Variants in PCDH15 observed in about 807,000 individuals in gnomAD.
The protein encoded by PCDH15 is protocadherin-15.
In PCDH15, 129 loss-of-function variants were observed where a neutral mutation model predicts 178.5. The observed-to-expected ratio is 0.72, with a 90% CI of 0.63 to 0.84. The LOEUF (loss-of-function observed/expected upper bound fraction) is 0.84. Ranked by LOEUF, PCDH15 falls within the 40% of genes least tolerant of loss-of-function variation. PCDH15 has a pLI of 0.00. For synonymous variants in PCDH15, 800 were observed against 732.0 expected (o/e 1.09, Z -1.50); for missense variants, 2,230 against 2,099.9 (o/e 1.06, Z -1.21).
intron 3 of PCDH15, among the ~76,000 whole-genome samples, chr10:54,867,839 GT>G (rs1953966809): frequency 6.6e-6 from 1 of 152,130 alleles, no homozygotes; most frequent in Non-Finnish European, 1.5e-5. Context: ...GCTCAGCAGT[GT>G]GATGGAGGTT....
At chr10:54,575,865 T>G (rs1365862523) in intron 2 of PCDH15, among the ~76,000 whole-genome samples, 1 of 152,212 alleles carries the variant, frequency 6.6e-6, no homozygotes, top group Non-Finnish European at 1.5e-5. Context: ...CACATGTTTT[T>G]GTGCCATATT....
intron 2 of PCDH15, among the ~76,000 whole-genome samples, chr10:55,553,205 T>A (rs1013126142): frequency 6.7e-6 from 1 of 148,702 alleles, no homozygotes; most frequent in African/African-American, 2.5e-5. Context: ...ACCGCTAGGT[T>A]AATAAAAAAA....
At chr10:54,226,678 T>C (rs2053483957) in intron 9 of PCDH15, among the ~76,000 whole-genome samples, 1 of 152,148 alleles carries the variant, frequency 6.6e-6, no homozygotes, top group African/African-American at 2.4e-5. Context: ...AACTCAAAAG[T>C]CCACAGTCCA....
chr10:54,933,158 G>A (rs1426782677), intron 2 of PCDH15, among the ~76,000 whole-genome samples: 1 of 151,870 alleles, frequency 6.6e-6, no homozygotes, highest in Admixed American at 6.6e-5. Context: ...CATCATCTAG[G>A]TTTGTGTAAG....
At chr10:55,034,997 A>AAACT (rs1840699256) in intron 2 of PCDH15, among the ~76,000 whole-genome samples, 2 of 152,100 alleles carry the variant, frequency 1.3e-5, no homozygotes, top group African/African-American at 4.8e-5. Flanking sequence ...ATCTGGGAGG[A>AAACT]TACAGCTGCT....
At chr10:55,244,625 AT>A (rs1841640143) in intron 1 of PCDH15, among the ~76,000 whole-genome samples, 1 of 151,856 alleles carries the variant, frequency 6.6e-6, no homozygotes, top group South Asian at 2.1e-4. Context: ...CTCCACCAGA[AT>A]TTTCTAGTTC....
At chr10:55,255,457 G>A (rs577335535) in intron 1 of PCDH15, among the ~76,000 whole-genome samples, 1 of 152,160 alleles carries the variant, frequency 6.6e-6, no homozygotes, top group South Asian at 2.1e-4. Context: ...TAATCCCTTG[G>A]GTATATACCC....
At chr10:54,441,286 C>T (rs902874725) in intron 3 of PCDH15, among the ~76,000 whole-genome samples, 1 of 151,906 alleles carries the variant, frequency 6.6e-6, no homozygotes, top group African/African-American at 2.4e-5. Context: ...TTCTACTATT[C>T]TACCCCAATC....
intron 2 of PCDH15, among the ~76,000 whole-genome samples, chr10:55,565,925 A>G (rs538037929): frequency 2.6e-5 from 4 of 151,810 alleles, no homozygotes; most frequent in African/African-American, 9.6e-5. Flanking sequence ...AACTAGCATC[A>G]ATCTTTTTCA....
At chr10:54,841,359 T>C (rs1008644811) in intron 3 of PCDH15, among the ~76,000 whole-genome samples, 1 of 151,750 alleles carries the variant, frequency 6.6e-6, no homozygotes, top group Non-Finnish European at 1.5e-5. Context: ...AAAAGCATCT[T>C]AAAATTTTAA....
At chr10:54,127,561 C>T (rs1041759678) in intron 15 of PCDH15, among the ~76,000 whole-genome samples, 6 of 152,080 alleles carry the variant, frequency 3.9e-5, no homozygotes, top group South Asian at 4.1e-4. Context: ...AGGAAAATAT[C>T]CAATTAAGAG....
At chr10:54,208,782 T>G (rs1767350084) in intron 10 of PCDH15, among the ~76,000 whole-genome samples, 1 of 152,038 alleles carries the variant, frequency 6.6e-6, no homozygotes, top group Non-Finnish European at 1.5e-5. Flanking sequence ...GCCATAAGAA[T>G]AAGAGTAGGA....
At chr10:54,562,490 C>G (rs917120880) in intron 2 of PCDH15, among the ~76,000 whole-genome samples, 6 of 152,216 alleles carry the variant, frequency 3.9e-5, no homozygotes, top group Admixed American at 2.0e-4. Flanking sequence ...TGAAAGGTCT[C>G]TCATGGCATA....
intron 3 of PCDH15, among the ~76,000 whole-genome samples, chr10:54,865,728 A>T (rs924141505): frequency 1.3e-5 from 2 of 152,168 alleles, no homozygotes; most frequent in Non-Finnish European, 2.9e-5. Context: ...GGAAAATAAC[A>T]TGTTAATGTG....
intron 1 of PCDH15, among the ~76,000 whole-genome samples, chr10:54,799,547 C>CAAACT (rs1265071172): frequency 6.6e-6 from 1 of 152,038 alleles, no homozygotes; most frequent in Non-Finnish European, 1.5e-5. Context: ...TTAGGTAGCA[C>CAAACT]AAACTCTGAC....
At chr10:54,021,603 T>A (rs1476108217) in intron 19 of PCDH15, among the ~76,000 whole-genome samples, 6 of 151,832 alleles carry the variant, frequency 4.0e-5, no homozygotes. Flanking sequence ...TTTCTTCCTT[T>A]TCTGCTTGGA....
At chr10:54,151,626 T>C (rs1388117770) in intron 14 of PCDH15, among the ~76,000 whole-genome samples, 1 of 151,744 alleles carries the variant, frequency 6.6e-6, no homozygotes, top group Non-Finnish European at 1.5e-5. Flanking sequence ...GTACAGAACT[T>C]ACATAAAAAG....
At chr10:54,370,434 C>G (rs1259721080) in intron 4 of PCDH15, among the ~76,000 whole-genome samples, 1 of 151,884 alleles carries the variant, frequency 6.6e-6, no homozygotes, top group Non-Finnish European at 1.5e-5. Flanking sequence ...TCTGCCTTCA[C>G]TAGACTGGAA....
intron 18 of PCDH15, among the ~76,000 whole-genome samples, chr10:54,050,714 T>A (rs1469663743): frequency 6.6e-6 from 1 of 152,158 alleles, no homozygotes; most frequent in Non-Finnish European, 1.5e-5. Context: ...TTTAGCACTA[T>A]AGACTTTCCT....
Sources: gnomAD v4.1 joint callset for allele counts (sites outside exome capture counted in the v4.1 genomes callset) on GRCh38, gnomAD v4.1.1 for gene constraint, MANE v1.5 for transcripts, NCBI Gene and HGNC (gene_info 2026-07-23, HGNC 2026-07-21) for gene names.